Variants in BBS9 observed in about 807,000 individuals in gnomAD.
BBS9 encodes the protein protein PTHB1.
BBS9 carries 89 observed loss-of-function variants against 117.7 expected under a neutral mutation model. That is an observed-to-expected ratio of 0.76 (90% CI 0.64 to 0.90). BBS9 has a LOEUF of 0.90. BBS9 is among the 40% of genes least tolerant of loss of function. The pLI, the probability that BBS9 is intolerant of heterozygous loss-of-function variation, is 0.00. For missense variants in BBS9, 982 were observed against 1,042.2 expected (o/e 0.94, Z 0.80); for synonymous variants, 379 against 370.9 (o/e 1.02, Z -0.25).
intron 19 of BBS9, among the ~76,000 whole-genome samples, chr7:33,398,387 G>C (rs1471967450): frequency 1.3e-5 from 2 of 152,194 alleles, no homozygotes; most frequent in East Asian, 1.9e-4. Context: ...ACTGAAAAGA[G>C]AGCAGTTAGA....
At chr7:33,255,935 A>T (rs1796976375) in intron 5 of BBS9, among the ~76,000 whole-genome samples, 1 of 152,120 alleles carries the variant, frequency 6.6e-6, no homozygotes, top group South Asian at 2.1e-4. Flanking sequence ...AGGTGGGCGG[A>T]TCATGAGGTC....
intron 19 of BBS9, among the ~76,000 whole-genome samples, chr7:33,389,119 GACTT>G (rs1326245914): frequency 6.6e-6 from 1 of 152,040 alleles, no homozygotes; most frequent in Non-Finnish European, 1.5e-5. Context: ...GTCTTATTCT[GACTT>G]ACTTGTACTC....
At chr7:33,409,029 G>T (rs2128814281) in intron 19 of BBS9, among the ~76,000 whole-genome samples, 1 of 152,260 alleles carries the variant, frequency 6.6e-6, no homozygotes, top group Non-Finnish European at 1.5e-5. Flanking sequence ...GTCTGTTCAT[G>T]TCCATTGCCC....
At chr7:33,253,660 G>T (rs1222046105) in intron 5 of BBS9, among the ~76,000 whole-genome samples, 1 of 152,174 alleles carries the variant, frequency 6.6e-6, no homozygotes, top group African/African-American at 2.4e-5. Context: ...ACCATCTGGA[G>T]ATAAAGGAGT....
chr7:33,371,071 T>C (rs1256799093), intron 17 of BBS9, among the ~76,000 whole-genome samples: 1 of 152,198 alleles, frequency 6.6e-6, no homozygotes, highest in Non-Finnish European at 1.5e-5. Flanking sequence ...TCATTTTGTT[T>C]CCATTTTCAG....
rs115939790 is a variant in BBS9 at position 33,135,217 on chromosome 7, T to G, written c.-12+5176T>G. On this transcript the variant is annotated intron_variant, in intron 1 of 22. Transcript: ENST00000242067. ...CTTATTTATTTTTTATTGCTCACGT[T>G]TCTGGTGTCAAATCTAAGAATCCAT... is the stretch of plus-strand genomic sequence containing the variant. Among the ~76,000 whole-genome samples, 640 of 152,304 alleles carry G rather than the reference T, an allele frequency of 4.2e-3. 2 individuals are homozygous for G. Among genetic ancestry groups the G allele is most frequent in the African/African-American group, 0.015 (623 of 41,574 alleles).
At chr7:33,563,301 A>C (rs1351094987) in intron 21 of BBS9, among the ~76,000 whole-genome samples, 1 of 152,220 alleles carries the variant, frequency 6.6e-6, no homozygotes, top group African/African-American at 2.4e-5. Context: ...GGTCAAGACC[A>C]CTGGAACCTG....
chr7:33,572,886 G>T (rs1320264340), intron 21 of BBS9, among the ~76,000 whole-genome samples: 1 of 151,852 alleles, frequency 6.6e-6, no homozygotes, highest in African/African-American at 2.4e-5. Flanking sequence ...TAGGATTGAT[G>T]GATTCATTTT....
chr7:33,601,332 C>A (rs1418345656), intron 21 of BBS9, among the ~76,000 whole-genome samples: 1 of 152,032 alleles, frequency 6.6e-6, no homozygotes, highest in Non-Finnish European at 1.5e-5. Flanking sequence ...TGACTTCCTC[C>A]AGCTGCAGCT....
At chr7:33,281,438 A>G (rs1301440471) in intron 9 of BBS9, among the ~76,000 whole-genome samples, 1 of 138,148 alleles carries the variant, frequency 7.2e-6, no homozygotes, top group African/African-American at 2.8e-5. Context: ...CAGTGGTGTA[A>G]TCATAGCTTA....
intron 19 of BBS9, among the ~76,000 whole-genome samples, chr7:33,482,677 C>T (rs901145998): frequency 5.3e-5 from 8 of 152,194 alleles, no homozygotes; most frequent in African/African-American, 1.9e-4. Context: ...TTAGAAACCA[C>T]ATATTTCCAG....
chr7:33,364,691 C>T (rs1255700977), intron 16 of BBS9, among the ~76,000 whole-genome samples: 1 of 111,206 alleles, frequency 9.0e-6, no homozygotes, highest in Admixed American at 9.4e-5. Context: ...TCCCCCCTCC[C>T]CCTCCGCCCT....
At chr7:33,143,544 A>G (rs927769088) in intron 1 of BBS9, among the ~76,000 whole-genome samples, 6 of 151,916 alleles carry the variant, frequency 3.9e-5, no homozygotes, top group Admixed American at 1.3e-4. Context: ...ATCTTTTCAT[A>G]TGCTCCTTGG....
intron 5 of BBS9, among the ~76,000 whole-genome samples, chr7:33,203,986 G>A (rs758939440): frequency 1.3e-5 from 2 of 150,862 alleles, no homozygotes; most frequent in Non-Finnish European, 3.0e-5. Context: ...GCCTCCCAAA[G>A]TGCTGGGATT....
intron 5 of BBS9, among the ~76,000 whole-genome samples, chr7:33,255,409 G>C (rs1280162941): frequency 7.0e-6 from 1 of 142,124 alleles, no homozygotes; most frequent in African/African-American, 2.6e-5. Flanking sequence ...TGAAGAGACT[G>C]TTCTTTCACC....
chr7:33,172,336 G>T (rs539745643), intron 4 of BBS9, among the ~76,000 whole-genome samples: 1 of 151,380 alleles, frequency 6.6e-6, no homozygotes, highest in East Asian at 1.9e-4. Context: ...AGCCAAGATC[G>T]TGCCACTGCA....
chr7:33,132,783 G>C (rs920234461), intron 1 of BBS9, among the ~76,000 whole-genome samples: 1 of 152,022 alleles, frequency 6.6e-6, no homozygotes, highest in African/African-American at 2.4e-5. Flanking sequence ...TTCCTAGATT[G>C]GAATACAGAT....
At chr7:33,522,726 TGCTGTGCAGAAGCTCTTTA>T (rs1848830650) in intron 20 of BBS9, among the ~76,000 whole-genome samples, 1 of 150,300 alleles carries the variant, frequency 6.7e-6, no homozygotes, top group South Asian at 2.1e-4. Flanking sequence ...TAGTTTCTTT[TGCTGTGCAGAAGCTCTTTA>T]GTTTAATTAG....
intron 21 of BBS9, among the ~76,000 whole-genome samples, chr7:33,575,991 C>T (rs530538806): frequency 1.9e-4 from 29 of 152,166 alleles, no homozygotes; most frequent in African/African-American, 3.1e-4. Context: ...TTTGAAAACA[C>T]GCACAAGACA....
Sources: gnomAD v4.1 joint callset for allele counts (sites outside exome capture counted in the v4.1 genomes callset) on GRCh38, gnomAD v4.1.1 for gene constraint, MANE v1.5 for transcripts, NCBI Gene and HGNC (gene_info 2026-07-23, HGNC 2026-07-21) for gene names.